Variants in EFHC2 observed in about 807,000 individuals in gnomAD.
EFHC2 encodes the protein EF-hand domain containing 2, also known as EF-hand domain-containing family member C2.
A neutral mutation model predicts 52.7 loss-of-function variants in EFHC2; 18 were observed. The ratio of observed to expected loss-of-function variants is 0.34; its 90% CI spans 0.24 to 0.51. The LOEUF (loss-of-function observed/expected upper bound fraction) is 0.51, where lower values mean the gene tolerates loss of function less well. Ranked by LOEUF, EFHC2 falls within the 20% of genes least tolerant of loss-of-function variation. The pLI, the probability that EFHC2 is intolerant of heterozygous loss-of-function variation, is 0.97. For missense variants in EFHC2, 513 were observed against 562.5 expected (o/e 0.91, Z 0.89); for synonymous variants, 203 against 204.1 (o/e 0.99, Z 0.04).
intron 4 of EFHC2, among the ~76,000 whole-genome samples, chrX:44,260,049 G>A (rs1176955703): frequency 9.0e-6 from 1 of 111,543 alleles, no homozygotes. Context: ...TGAATCATAA[G>A]TTTTAAAACA....
chrX:44,211,191 T>C (rs2037092131), intron 11 of EFHC2, among the ~76,000 whole-genome samples: 1 of 111,922 alleles, frequency 8.9e-6, no homozygotes, highest in Non-Finnish European at 1.9e-5. Flanking sequence ...ACTAGAACTC[T>C]CCAAGACTCC....
chrX:44,152,298 AATAGATT>A (rs775602439), intron 14 of EFHC2, among the ~76,000 whole-genome samples: 1 of 111,635 alleles, frequency 9.0e-6, no homozygotes, highest in African/African-American at 3.3e-5. Context: ...AGAAGGATTA[AATAGATT>A]GTCTCAAGTC....
At chrX:44,232,736 G>A in intron 9 of EFHC2, 59 bp from the exon 10 acceptor site, 1 of 1,039,703 alleles carries the variant, frequency 9.6e-7, no homozygotes, top group Non-Finnish European at 1.3e-6. Flanking sequence ...CACGTGACTT[G>A]CCTTCAGAGT....
intron 11 of EFHC2, among the ~76,000 whole-genome samples, chrX:44,179,881 A>G (rs977505054): frequency 7.1e-5 from 8 of 112,392 alleles, no homozygotes; most frequent in Admixed American, 3.8e-4. Context: ...AGGGCCACTT[A>G]AATAAACTGA....
Position 44,283,532 on chromosome X carries a change from C to CTTTTTTT in EFHC2, c.232-10703_232-10697dup, listed in dbSNP as rs3049061. Among the ~76,000 whole-genome samples the CTTTTTTT allele has an allele frequency of 3.5e-4, 31 of 88,545 alleles. 1 individual carries two copies. Among genetic ancestry groups the CTTTTTTT allele is most frequent in the Admixed American group, 1.1e-3 (8 of 7,535 alleles). The allele number at this position is 88,545 out of a possible 115,157, so 76.9% of individuals were successfully genotyped here. A position where few individuals can be genotyped will look rare whatever the true frequency, so the allele number is the denominator to read the frequency against. On this transcript the variant is annotated intron_variant, in intron 2 of 14. Transcript: ENST00000420999. The stretch of plus-strand genomic sequence containing the variant: ...AAGCACTTTGACTCCACGGAAGTAC[C>CTTTTTTT]TTTTTTTTTTTTTTTTTACATCCGG...
At chrX:44,211,225 C>A (rs1198481982) in intron 11 of EFHC2, among the ~76,000 whole-genome samples, 3 of 112,250 alleles carry the variant, frequency 2.7e-5, no homozygotes, top group Admixed American at 1.9e-4. Context: ...AAATATACAA[C>A]TACTTTAAAA....
In EFHC2 at chrX:44,248,363, T is replaced by C. The variant is rs1261236791; in HGVS notation, c.1020A>G (p.Leu340=). The change falls in exon 7 of 15, where the codon CTA becomes CTG. Residue 340 remains leucine (L), a synonymous_variant. Transcript: ENST00000420999. ...QEFYKDSDLS[L]GVTINVWGRK... The stretch of plus-strand genomic sequence containing the variant: ...TTCCCCACACATTGATGGTGACTCC[T>C]AGGGACAGGTCACTATCTTTGTAAA... The C allele has an allele frequency of 2.5e-6, 3 of 1,183,679 alleles. No homozygotes were observed. The highest frequency in any genetic ancestry group is 3.7e-5 in the South Asian group (2 of 53,433).
At position 44,248,349 on chromosome X, in the gene EFHC2, T is replaced by C. The variant is rs2037416169; in HGVS notation, c.1034A>G (p.Asn345Ser). Reference protein sequence around the residue: ...DSDLSLGVTINVWGRKVLLYD... With the variant: ...DSDLSLGVTISVWGRKVLLYD... ...AAGGAGCACTTTTCTTCCCCACACA[T>C]TGATGGTGACTCCTAGGGACAGGTC... Residue 345 changes from asparagine to serine, a missense_variant, in exon 7 of 15, where the codon AAT (asparagine) becomes AGT (serine). Coordinates refer to ENST00000420999, the MANE Select transcript of EFHC2 (RefSeq NM_025184.4). The C allele has an allele frequency of 7.6e-6, 9 of 1,177,627 alleles. No individual in the cohort carries two copies. The highest frequency in any genetic ancestry group is 1.0e-5 in the Non-Finnish European group (9 of 876,735).
intron 11 of EFHC2, among the ~76,000 whole-genome samples, chrX:44,211,583 C>T (rs771979334): frequency 4.6e-5 from 5 of 109,310 alleles, no homozygotes; most frequent in Admixed American, 1.9e-4. Context: ...AAAGATTGGC[C>T]GGGCTCAGTG....
chrX:44,296,760 G>A (rs1414428131), intron 2 of EFHC2, among the ~76,000 whole-genome samples: 1 of 112,164 alleles, frequency 8.9e-6, no homozygotes, highest in Non-Finnish European at 1.9e-5. Flanking sequence ...GAAGAGACAT[G>A]ACAAAATCTT....
chrX:44,179,879 T>A lies in EFHC2; in HGVS notation c.1752-1315A>T, dbSNP rs2036820318. Among the ~76,000 whole-genome samples, 5 of 112,385 alleles carry A rather than the reference T, an allele frequency of 4.4e-5. No individual in the cohort carries two copies. The South Asian group carries it at 1.8e-3, about 42-fold the overall frequency. On this transcript the variant is annotated intron_variant, in intron 11 of 14. Coordinates refer to ENST00000420999, the MANE Select transcript of EFHC2 (RefSeq NM_025184.4). ...CAAAGCCACAAACTGGTAGGGCCAC[T>A]TAAATAAACTGAGTAATAGCAATAA...
chrX:44,260,011 T>C (rs1481937889), intron 4 of EFHC2, among the ~76,000 whole-genome samples: 1 of 111,884 alleles, frequency 8.9e-6, no homozygotes, highest in East Asian at 2.8e-4. Context: ...AATTTTGTTC[T>C]AAATTTTGTT....
At chrX:44,202,994 A>G (rs932926335) in intron 11 of EFHC2, among the ~76,000 whole-genome samples, 1 of 111,241 alleles carries the variant, frequency 9.0e-6, no homozygotes, top group Non-Finnish European at 1.9e-5. Flanking sequence ...ATGCAGCAGC[A>G]GATCTCCCCA....
chrX:44,282,375 A>G (rs1467225358), intron 2 of EFHC2, among the ~76,000 whole-genome samples: 2 of 102,810 alleles, frequency 1.9e-5, no homozygotes, highest in African/African-American at 7.1e-5. Context: ...AGGCCGAGGC[A>G]GGTGGAACAC....
At chrX:44,177,341 G>T in intron 12 of EFHC2, among the ~76,000 whole-genome samples, 1 of 111,229 alleles carries the variant, frequency 9.0e-6, no homozygotes, top group East Asian at 2.8e-4. Context: ...ACAAACTATG[G>T]GACCTACACA....
chrX:44,192,416 C>T lies in EFHC2; in HGVS notation c.1752-13852G>A, dbSNP rs536805238. On this transcript the variant is annotated intron_variant, in intron 11 of 14. Transcript: ENST00000420999. ...TGCTGGTGATGGTGGTATTTTTAAG[C>T]GTTGTTTTGGATAAGTTTGCTTTGA... 1.7e-4 allele frequency among the ~76,000 whole-genome samples: 19 copies of T among 111,269 alleles called. No homozygotes were observed. The South Asian group carries it at 6.8e-3, about 40-fold the overall frequency.
intron 14 of EFHC2, among the ~76,000 whole-genome samples, chrX:44,149,218 C>T (rs1325254941): frequency 8.9e-6 from 1 of 112,117 alleles, no homozygotes; most frequent in Non-Finnish European, 1.9e-5. Context: ...TGGACAGAGG[C>T]TCTAGCGTGC....
chrX:44,149,972 T>C (rs1181713324), intron 14 of EFHC2, among the ~76,000 whole-genome samples: 3 of 112,093 alleles, frequency 2.7e-5, no homozygotes, highest in South Asian at 7.4e-4. Context: ...CACACACAGA[T>C]GCACATTTTA....
rs141432520 is a variant in EFHC2, at chrX:44,343,633, G to C, written c.-45C>G. The C allele has an allele frequency of 1.9e-6, 2 of 1,049,424 alleles. No homozygotes were observed. Among genetic ancestry groups the C allele is most frequent in the Non-Finnish European group, 2.5e-6 (2 of 811,620 alleles). 86.5% of individuals were successfully genotyped at this position (1,049,424 alleles called of 1,213,427 possible). On this transcript the variant is annotated 5_prime_UTR_variant, in exon 1 of 15. Coordinates refer to ENST00000420999, the MANE Select transcript of EFHC2 (RefSeq NM_025184.4). The stretch of plus-strand genomic sequence containing the variant: ...TCCAGGGTCCCAGAAGAGAGGGCCC[G>C]GCAGGCAGCGGCGCCTCCCGGCCGT...
Sources: allele counts gnomAD v4.1 joint callset (sites outside exome capture counted in the v4.1 genomes callset), GRCh38; gene constraint gnomAD v4.1.1; transcripts MANE v1.5; gene names NCBI Gene and HGNC (gene_info 2026-07-23, HGNC 2026-07-21).